Variants in TIE1 observed in about 807,000 individuals in gnomAD.
The protein encoded by TIE1 is tyrosine kinase with immunoglobulin like and EGF like domains 1, also known as tyrosine-protein kinase receptor Tie-1.
A neutral mutation model predicts 130.5 loss-of-function variants in TIE1; 89 were observed. The ratio of observed to expected loss-of-function variants is 0.68; its 90% CI spans 0.57 to 0.81. The LOEUF is 0.81. Among genes scored for constraint, TIE1 ranks in the 40% least tolerant of loss-of-function variants. The pLI is 0.00. For synonymous variants in TIE1, 568 were observed against 629.4 expected, an observed-to-expected ratio of 0.90 and a Z score of 1.46; for missense variants, 1,392 against 1,559.8, an observed-to-expected ratio of 0.89 and a Z score of 1.81.
Position 43,317,568 on chromosome 1 carries a change from T to A in TIE1, c.2625T>A (p.Tyr875Ter), listed in dbSNP as rs758337953. 3 of 1,609,572 alleles carry A rather than the reference T, an allele frequency of 1.9e-6. No homozygotes were observed. Among genetic ancestry groups the A allele is most frequent in the Non-Finnish European group, 2.5e-6 (3 of 1,176,954 alleles). ...MNAAIKMLKE[Y>*]ASENDHRDFA... ...AATATTGGATTCTTTACACAGAGTA[T>A]GCCTCTGAAAATGACCATCGTGACT... The change falls in exon 16 of 23, where the codon TAT becomes TAA. Residue 875 changes from tyrosine to a stop codon, truncating the protein, a stop_gained. Coordinates refer to ENST00000372476, the MANE Select transcript of TIE1 (RefSeq NM_005424.5). LOFTEE classifies it high-confidence loss of function. The surrounding 1 kb of genome is among the most constrained non-coding windows in gnomAD (Gnocchi z 5.1).
In TIE1 at chr1:43,312,475, C is replaced by T. The variant is rs756483131; in HGVS notation, c.1801C>T (p.Gln601Ter). The T allele has an allele frequency of 6.2e-7, 1 of 1,612,292 alleles. No individual in the cohort carries two copies. Among genetic ancestry groups the T allele is most frequent in the Non-Finnish European group, 8.5e-7 (1 of 1,179,818 alleles). ...GCGGCGGGAGAACGTCTCATCCCCC[C>T]AGGCCCGCACTGCCCTCCTGACGGG... ...QERRENVSSPQARTALLTGLT... is the reference protein window; with the variant it reads ...QERRENVSSP The change falls in exon 12 of 23, where the codon CAG (glutamine) becomes TAG (stop). Residue 601 changes from glutamine to a stop codon, truncating the protein, a stop_gained. Coordinates refer to ENST00000372476, the MANE Select transcript of TIE1 (RefSeq NM_005424.5). LOFTEE classifies it high-confidence loss of function. The surrounding 1 kb of genome is among the most constrained non-coding windows in gnomAD (Gnocchi z 5.6).
intron 14 of TIE1, among the ~76,000 whole-genome samples, chr1:43,314,921 G>A (rs1646844920): frequency 1.3e-5 from 2 of 152,144 alleles, no homozygotes; most frequent in South Asian, 2.1e-4. Flanking sequence ...CCCTCAGACC[G>A]CTGCCACAAC....
Position 43,304,870 on chromosome 1 carries a change from GCTGCTGGCCAAC to G in TIE1, c.83_94del (p.Leu28_Leu31del). 1 of 1,423,020 alleles carries G rather than the reference GCTGCTGGCCAAC, an allele frequency of 7.0e-7. No homozygotes were observed. Among genetic ancestry groups the G allele is most frequent in the East Asian group, 2.6e-5 (1 of 38,042 alleles). The allele number at this position is 1,423,020 out of a possible 1,614,324, so 88.1% of individuals were successfully genotyped here. A position where few individuals can be genotyped will look rare whatever the true frequency, so the allele number is the denominator to read the frequency against. ...CCCCAGGCGCGGCGGTGGACCTGAC[GCTGCTGGCCAAC>G]CTGCGGCTCACGGACCCCCAGCGCT... On this transcript the variant is annotated inframe_deletion, in exon 2 of 23. Transcript: ENST00000372476.
intron 14 of TIE1, among the ~76,000 whole-genome samples, chr1:43,314,852 C>T (rs542638403): frequency 7.2e-5 from 11 of 152,232 alleles, no homozygotes; most frequent in Admixed American, 6.5e-4. Context: ...GAAAAAGAAA[C>T]AGAACTAAAG....
At position 43,317,098 on chromosome 1, in the gene TIE1, C is replaced by T; in HGVS notation, c.2410-101C>T. 7.8e-7 allele frequency: 1 copy of T among 1,280,708 alleles called. No homozygotes were observed. The highest frequency in any genetic ancestry group is 1.1e-6 in the Non-Finnish European group (1 of 887,662). 79.3% of individuals were successfully genotyped at this position (1,280,708 alleles called of 1,614,324 possible). A position where few individuals can be genotyped will look rare whatever the true frequency, so the allele number is the denominator to read the frequency against. On this transcript the variant is annotated intron_variant, in intron 14 of 22. Transcript: ENST00000372476. This position sits in a 1 kb window ranked among gnomAD's most constrained non-coding sequence, Gnocchi z 5.1. ...TGCCCTCCATCTGGGTCTCTGCCCA[C>T]TTGTCTGACACTGAAACCTCCTCGT... is the stretch of plus-strand genomic sequence containing the variant.
intron 9 of TIE1, among the ~76,000 whole-genome samples, chr1:43,310,943 T>G (rs1570439079): frequency 1.3e-5 from 2 of 152,048 alleles, no homozygotes; most frequent in South Asian, 4.1e-4. Flanking sequence ...TGGTAAACAT[T>G]TGTAAGAGTC....
Position 43,309,081 on chromosome 1 carries a change from C to T in TIE1, c.1138C>T (p.Pro380Ser). The T allele has an allele frequency of 6.2e-7, 1 of 1,613,784 alleles. No individual in the cohort carries two copies. The highest frequency in any genetic ancestry group is 8.5e-7 in the Non-Finnish European group (1 of 1,179,836). The change falls in exon 8 of 23, where the codon CCC (proline) becomes TCC (serine). Residue 380 changes from proline to serine, a missense_variant. Physicochemically the swap from Pro to Ser is moderately conservative, Grantham distance 74. Coordinates refer to ENST00000372476, the MANE Select transcript of TIE1 (RefSeq NM_005424.5). This position sits in a 1 kb window ranked among gnomAD's most constrained non-coding sequence, Gnocchi z 6.3. ...INCAAAGNPF[P>S]VRGSIELRKP... is the part of the protein sequence containing the mutation. ...CTGTGCAGCTGCAGGGAACCCCTTC[C>T]CCGTGCGGGGCAGCATAGAGCTACG... is the stretch of plus-strand genomic sequence containing the variant.
At position 43,305,015 on chromosome 1, in the gene TIE1, G is replaced by T; in HGVS notation, c.223G>T (p.Gly75Trp). 7 of 1,557,984 alleles carry T rather than the reference G, an allele frequency of 4.5e-6. No individual in the cohort carries two copies. Among genetic ancestry groups the T allele is most frequent in the Middle Eastern group, 1.7e-4 (1 of 5,816 alleles). ...CGACCGTATCGTGCGCACCCCGCCC[G>T]GGCCACCCCTGCGCCTGGCGCGCAA... ...KDDRIVRTPP[G>W]PPLRLARNGS... is the part of the protein sequence containing the mutation. The change falls in exon 2 of 23, where the codon GGG becomes TGG. Residue 75 changes from glycine to tryptophan, a missense_variant. Coordinates refer to ENST00000372476, the MANE Select transcript of TIE1 (RefSeq NM_005424.5).
chr1:43,305,186 G>A (rs568178800), intron 2 of TIE1, 21 bp downstream of exon 2: 4 of 1,613,838 alleles, frequency 2.5e-6, no homozygotes, highest in African/African-American at 2.7e-5. Context: ...CAGGCGGGGG[G>A]ATGGCGCGGG....
In TIE1 at chr1:43,301,419, C is replaced by T. The variant is rs149153233; in HGVS notation, c.58+290C>T. ...GGAGGATCAATTGAGGCCAGGAGTT[C>T]AAGACCAGACTGGTCAACATAGTGA... On this transcript the variant is annotated intron_variant, in intron 1 of 22. Coordinates refer to ENST00000372476, the MANE Select transcript of TIE1 (RefSeq NM_005424.5). Among the ~76,000 whole-genome samples, 1,253 of 150,154 alleles carry T rather than the reference C, an allele frequency of 8.3e-3. 10 individuals are homozygous for T. The highest frequency in any genetic ancestry group is 0.026 in the African/African-American group (1,047 of 40,708).
chr1:43,308,810 A>G, intron 7 of TIE1, 176 bp from the exon 8 acceptor site: 1 of 796,838 alleles, frequency 1.3e-6, no homozygotes, highest in Admixed American at 2.0e-5. Flanking sequence ...TAGACTTTGC[A>G]GCTGATGGGA....
Position 43,301,057 on chromosome 1 carries a change from G to A in TIE1, c.-15G>A. 1 of 1,613,558 alleles carries A rather than the reference G, an allele frequency of 6.2e-7. No individual in the cohort carries two copies. The highest frequency in any genetic ancestry group is 1.3e-5 in the African/African-American group (1 of 75,036). ...GCCCAGCTCGTCCTGGCTGGCCTGG[G>A]TCGGCCTCTGGAGTATGGTCTGGCG... On this transcript the variant is annotated 5_prime_UTR_variant, in exon 1 of 23. Transcript: ENST00000372476.
Position 43,319,288 on chromosome 1 carries a change from C to T in TIE1, c.2976C>T (p.Ala992=). 1.9e-6 allele frequency: 3 copies of T among 1,614,022 alleles called. No homozygotes were observed. The highest frequency in any genetic ancestry group is 2.5e-6 in the Non-Finnish European group (3 of 1,179,968). The stretch of plus-strand genomic sequence containing the variant: ...ATGTGCTGGTCGGAGAGAACCTAGC[C>T]TCCAAGATTGCAGACTTCGGCCTTT... ...ARNVLVGENL[A]SKIADFGLSR... Residue 992 remains alanine, a synonymous_variant, in exon 18 of 23, where the codon GCC becomes GCT. Transcript: ENST00000372476. This position sits in a 1 kb window ranked among gnomAD's most constrained non-coding sequence, Gnocchi z 4.7.
chr1:43,312,597 CAG>C lies in TIE1; in HGVS notation c.1924_1925del (p.Ser642TrpfsTer57), dbSNP rs1442853408. The C allele has an allele frequency of 6.2e-7, 1 of 1,602,224 alleles. No individual in the cohort carries two copies. The highest frequency in any genetic ancestry group is 2.2e-5 in the East Asian group (1 of 44,780). ...CCCCTGCACACGTGCTTCTGCCCCC[CAG>C]TGGTATGTGCAAGGCGCAAGGATAG... ...SPPAHVLLPP[S>X]GPPAPRHLHA... On this transcript the variant is annotated frameshift_variant and splice_region_variant, in exon 12 of 23. Transcript: ENST00000372476. LOFTEE classifies it high-confidence loss of function. The surrounding 1 kb of genome is among the most constrained non-coding windows in gnomAD (Gnocchi z 5.6).
intron 14 of TIE1, chr1:43,314,493 C>T: frequency 9.9e-7 from 1 of 1,009,682 alleles, no homozygotes; most frequent in Non-Finnish European, 1.2e-6. Context: ...GCTCCTCATC[C>T]TAACCTTCAT....
rs573611798 is a variant in TIE1, at chr1:43,312,883, G to A, written c.1928-252G>A. ...GGTCATGGGAGGGCATGAGACTTGC[G>A]GAACACAGGGCATGGGCGGATGTGG... On this transcript the variant is annotated intron_variant, in intron 12 of 22. Coordinates refer to ENST00000372476, the MANE Select transcript of TIE1 (RefSeq NM_005424.5). This position sits in a 1 kb window ranked among gnomAD's most constrained non-coding sequence, Gnocchi z 5.6. Among the ~76,000 whole-genome samples the A allele has an allele frequency of 8.5e-5, 13 of 152,200 alleles. No homozygotes were observed. In the South Asian group the frequency reaches 1.5e-3, roughly 17 times the overall value.
At chr1:43,305,367 T>G in intron 3 of TIE1, 24 bp downstream of exon 3, 2 of 1,521,100 alleles carry the variant, frequency 1.3e-6, no homozygotes, top group Non-Finnish European at 1.8e-6. Flanking sequence ...TTTGAACTGG[T>G]GGGGAGGGTA....
chr1:43,314,407 C>T, intron 14 of TIE1: 1 of 1,124,614 alleles, frequency 8.9e-7, no homozygotes. Flanking sequence ...GGGAGCCAGC[C>T]TCTGTCTGCA....
rs556173113 is a variant in TIE1, at chr1:43,322,426, C to A, written c.3346-225C>A. On this transcript the variant is annotated intron_variant, in intron 22 of 22. Coordinates refer to ENST00000372476, the MANE Select transcript of TIE1 (RefSeq NM_005424.5). The surrounding 1 kb of genome is among the most constrained non-coding windows in gnomAD (Gnocchi z 4.0). Reference sequence around the variant, plus strand: ...TCATTGAAAGAGTGCATGTAAAAACCCTCCTCTAACAATGGCATTGAGAGC... The same window carrying A: ...TCATTGAAAGAGTGCATGTAAAAACACTCCTCTAACAATGGCATTGAGAGC... Among the ~76,000 whole-genome samples the A allele has an allele frequency of 4.6e-5, 7 of 152,212 alleles. No individual in the cohort carries two copies. In the South Asian group the frequency reaches 1.5e-3, roughly 32 times the overall value.
Sources: gnomAD v4.1 joint callset for allele counts (sites outside exome capture counted in the v4.1 genomes callset) on GRCh38, gnomAD v4.1.1 for gene constraint, Gnocchi (gnomAD v3.1) non-coding constraint, MANE v1.5 for transcripts, NCBI Gene and HGNC (gene_info 2026-07-23, HGNC 2026-07-21) for gene names.